The following SCLT1 variants were observed in gnomAD, a reference collection of about 807,000 sequenced individuals.
SCLT1 encodes the protein sodium channel-associated protein 1.
A neutral mutation model predicts 112.8 loss-of-function variants in SCLT1; 78 were observed. The ratio of observed to expected loss-of-function variants is 0.69; its 90% CI spans 0.58 to 0.83. SCLT1 has a LOEUF of 0.83. Ranked by LOEUF, SCLT1 falls within the 40% of genes least tolerant of loss-of-function variation. The pLI is 0.00. For synonymous variants in SCLT1, 257 were observed against 254.7 expected (o/e 1.01, Z -0.09); for missense variants, 747 against 770.4 (o/e 0.97, Z 0.36).
At chr4:129,068,165 T>C (rs756709022) in intron 2 of SCLT1, among the ~76,000 whole-genome samples, 11 of 152,186 alleles carry the variant, frequency 7.2e-5, no homozygotes, top group Non-Finnish European at 1.3e-4. Context: ...CAAATGCCAT[T>C]AATTCATTCC....
At chr4:128,888,826 T>C (rs549940394) in intron 19 of SCLT1, 52 bp from the exon 20 acceptor site, 2 of 1,107,852 alleles carry the variant, frequency 1.8e-6, no homozygotes, top group East Asian at 2.4e-5. Context: ...GACATGGAGA[T>C]GTTTTGTGGA....
intron 2 of SCLT1, among the ~76,000 whole-genome samples, chr4:129,076,343 C>T (rs1434674777): frequency 1.3e-5 from 2 of 152,046 alleles, no homozygotes; most frequent in African/African-American, 2.4e-5. Context: ...CCACTCATAC[C>T]TCTTTGGCAC....
chr4:128,963,916 T>G (rs963184984), intron 11 of SCLT1, among the ~76,000 whole-genome samples: 1 of 152,156 alleles, frequency 6.6e-6, no homozygotes, highest in African/African-American at 2.4e-5. Flanking sequence ...AATTATTCAT[T>G]TATAGCAAAA....
chr4:128,920,739 CT>C (rs1199043057), intron 18 of SCLT1, among the ~76,000 whole-genome samples: 2 of 152,170 alleles, frequency 1.3e-5, no homozygotes, highest in African/African-American at 4.8e-5. Context: ...AGCATTCCCC[CT>C]GATAACTGGA....
chr4:128,942,996 C>A lies in SCLT1; in HGVS notation c.1632G>T (p.Lys544Asn). 4 of 1,600,544 alleles carry A rather than the reference C, an allele frequency of 2.5e-6. No homozygotes were observed. Among genetic ancestry groups the A allele is most frequent in the Non-Finnish European group, 3.4e-6 (4 of 1,172,844 alleles). The change falls in exon 17 of 21, where the codon AAG (lysine) becomes AAT (asparagine). Residue 544 changes from lysine (K) to asparagine (N), a missense_variant and splice_region_variant. Lys to Asn is a moderately conservative substitution (Grantham distance 94). Coordinates refer to ENST00000281142, the MANE Select transcript of SCLT1 (RefSeq NM_144643.4). ...ALEAQKKAKV[K>N]ISTMEHEFSI... ...CATTTAACTCTAGTCTTGAAAATAC[C>A]TTTACTTTGGCTTTTTTTTGAGCCT...
chr4:128,939,306 C>T (rs926381102), intron 17 of SCLT1, among the ~76,000 whole-genome samples: 2 of 152,208 alleles, frequency 1.3e-5, no homozygotes, highest in African/African-American at 4.8e-5. Context: ...GAACACAGTA[C>T]GGTTGTCAAA....
intron 18 of SCLT1, among the ~76,000 whole-genome samples, chr4:128,908,941 C>T (rs146812041): frequency 6.6e-6 from 1 of 152,202 alleles, no homozygotes; most frequent in East Asian, 1.9e-4. Flanking sequence ...TTGTTTAGTC[C>T]CTAAGATTTC....
chr4:128,967,491 C>T (rs887977570), intron 10 of SCLT1, among the ~76,000 whole-genome samples: 2 of 152,170 alleles, frequency 1.3e-5, no homozygotes, highest in Admixed American at 1.3e-4. Flanking sequence ...TAAACATTCC[C>T]TTTTCTCAGC....
At chr4:128,929,354 A>G (rs1017221826) in intron 18 of SCLT1, among the ~76,000 whole-genome samples, 9 of 152,224 alleles carry the variant, frequency 5.9e-5, no homozygotes, top group Non-Finnish European at 1.0e-4. Flanking sequence ...GAAAGACTTA[A>G]TATTATAAAA....
chr4:128,931,219 AG>A (rs1255645115), intron 18 of SCLT1, among the ~76,000 whole-genome samples: 2 of 152,050 alleles, frequency 1.3e-5, no homozygotes, highest in Non-Finnish European at 2.9e-5. Flanking sequence ...TGAGAGCTTC[AG>A]AAAAAAGAGA....
intron 20 of SCLT1, among the ~76,000 whole-genome samples, chr4:128,886,400 G>A (rs967502582): frequency 1.3e-5 from 2 of 152,034 alleles, no homozygotes; most frequent in African/African-American, 2.4e-5. Flanking sequence ...TTGTTAATAT[G>A]CATTTAGTAG....
intron 18 of SCLT1, among the ~76,000 whole-genome samples, chr4:128,901,025 C>T (rs1345508710): frequency 2.0e-5 from 3 of 152,148 alleles, no homozygotes; most frequent in African/African-American, 7.2e-5. Flanking sequence ...CAGGAAACAA[C>T]AGGTGCTGGA....
At chr4:129,072,833 A>G (rs555128213) in intron 2 of SCLT1, among the ~76,000 whole-genome samples, 2 of 151,988 alleles carry the variant, frequency 1.3e-5, no homozygotes, top group African/African-American at 2.4e-5. Context: ...GTTTGGAGCC[A>G]TTCCTGGTGA....
intron 8 of SCLT1, 38 bp from the exon 9 acceptor site, chr4:128,992,275 T>G (rs1742642648): frequency 2.4e-6 from 3 of 1,267,482 alleles, no homozygotes; most frequent in Non-Finnish European, 3.3e-6. Context: ...ATTAGAATAT[T>G]TAATAACTGT....
At chr4:128,991,527 TA>T (rs925400279) in intron 9 of SCLT1, among the ~76,000 whole-genome samples, 2 of 150,712 alleles carry the variant, frequency 1.3e-5, no homozygotes, top group Non-Finnish European at 3.0e-5. Context: ...AATAAGTAAA[TA>T]AAAAAACCCA....
rs1190814570 is a variant in SCLT1, at chr4:128,907,135, G to A, written c.1830-15998C>T. ...ATGAGATACAGAGTGTTACTAGGAG[G>A]TGGGGGTGGGAGTGAGAGAGGAACA... On this transcript the variant is annotated intron_variant, in intron 18 of 20. Transcript: ENST00000281142. Among the ~76,000 whole-genome samples, 3 of 151,772 alleles carry A rather than the reference G, an allele frequency of 2.0e-5. No individual in the cohort carries two copies. In the East Asian group the frequency reaches 5.8e-4, roughly 29 times the overall value.
chr4:129,012,431 C>T (rs895343567), intron 5 of SCLT1, among the ~76,000 whole-genome samples: 5 of 152,110 alleles, frequency 3.3e-5, no homozygotes, highest in African/African-American at 7.2e-5. Flanking sequence ...GAGTGTTTTA[C>T]TTCTGATTAC....
chr4:129,086,658 A>G (rs1410774429), intron 1 of SCLT1, among the ~76,000 whole-genome samples: 5 of 152,138 alleles, frequency 3.3e-5, no homozygotes, highest in Non-Finnish European at 5.9e-5. Context: ...GGCATCAGCT[A>G]TAGAAAAGCA....
At chr4:128,897,746 A>T (rs1733901216) in intron 18 of SCLT1, among the ~76,000 whole-genome samples, 1 of 152,206 alleles carries the variant, frequency 6.6e-6, no homozygotes, top group Non-Finnish European at 1.5e-5. Flanking sequence ...TAAAGAGTCA[A>T]GACACATCAG....
Sources: gnomAD v4.1 joint callset for allele counts (sites outside exome capture counted in the v4.1 genomes callset) on GRCh38, gnomAD v4.1.1 for gene constraint, MANE v1.5 for transcripts, NCBI Gene and HGNC (gene_info 2026-07-23, HGNC 2026-07-21) for gene names.